The following BTRC variants were observed in gnomAD, a reference collection of about 807,000 sequenced individuals.
BTRC encodes beta-transducin repeat containing E3 ubiquitin protein ligase.
Under a neutral mutation model 85.5 loss-of-function variants are expected in BTRC, and 42 were observed. That is an observed-to-expected ratio of 0.49 (90% CI 0.38 to 0.64). The LOEUF is 0.64. BTRC is among the 30% of genes least tolerant of loss of function. BTRC has a pLI of 0.00. For missense variants in BTRC, 594 were observed against 743.5 expected, an observed-to-expected ratio of 0.80 and a Z score of 2.34; for synonymous variants, 255 against 263.3, an observed-to-expected ratio of 0.97 and a Z score of 0.30.
chr10:101,525,290 C>G (rs983294277), intron 5 of BTRC, among the ~76,000 whole-genome samples: 4 of 152,202 alleles, frequency 2.6e-5, no homozygotes, highest in African/African-American at 9.6e-5. Context: ...AAAATATTCT[C>G]TGAAATGCTA....
At chr10:101,514,605 A>G (rs2061998621) in intron 4 of BTRC, among the ~76,000 whole-genome samples, 1 of 152,126 alleles carries the variant, frequency 6.6e-6, no homozygotes, top group East Asian at 1.9e-4. Context: ...GGCGTGTGCC[A>G]TGATGTCCAG....
In BTRC at chr10:101,541,623, T is replaced by G. The variant is rs190148172; in HGVS notation, c.1656+3252T>G. 2.6e-5 allele frequency among the ~76,000 whole-genome samples: 4 copies of G among 152,312 alleles called. No homozygotes were observed. In the East Asian group the frequency reaches 7.7e-4, roughly 29 times the overall value. On this transcript the variant is annotated intron_variant, in intron 13 of 14. Transcript: ENST00000370187. Reference sequence around the variant, plus strand: ...CAGTTCCCTTCTGTTCCTAGATTGCTGAGAGTTTTAATGAGGAACACATGT... The same window carrying G: ...CAGTTCCCTTCTGTTCCTAGATTGCGGAGAGTTTTAATGAGGAACACATGT...
intron 1 of BTRC, among the ~76,000 whole-genome samples, chr10:101,424,637 G>C (rs1261413435): frequency 6.6e-6 from 1 of 152,076 alleles, no homozygotes; most frequent in South Asian, 2.1e-4. Flanking sequence ...TTGCCTGCAG[G>C]GCTATCAGTG....
At chr10:101,387,119 A>G (rs571633398) in intron 1 of BTRC, among the ~76,000 whole-genome samples, 3 of 152,066 alleles carry the variant, frequency 2.0e-5, no homozygotes, top group African/African-American at 4.8e-5. Context: ...ATTCTGTTCT[A>G]TTGTTCATTT....
chr10:101,459,325 A>G (rs886832906), intron 2 of BTRC, among the ~76,000 whole-genome samples: 1 of 152,170 alleles, frequency 6.6e-6, no homozygotes, highest in East Asian at 1.9e-4. Context: ...TTAGGTATAC[A>G]TGGCTATTTC....
chr10:101,362,295 G>A (rs1942232580), intron 1 of BTRC, among the ~76,000 whole-genome samples: 3 of 151,786 alleles, frequency 2.0e-5, no homozygotes, highest in Admixed American at 2.0e-4. Flanking sequence ...GCTCCTTTCT[G>A]TAGTTTGGCT....
rs551758864 is a variant in BTRC, at chr10:101,525,842, T to C, written c.557-171T>C. 3.3e-5 allele frequency among the ~76,000 whole-genome samples: 5 copies of C among 152,286 alleles called. No individual in the cohort carries two copies. In the South Asian group the frequency reaches 1.0e-3, roughly 32 times the overall value. The stretch of plus-strand genomic sequence containing the variant: ...TTTCTGTAACCTTATGGAAAAATTA[T>C]TGACACTCATTTTACCCAAGCCTCT... On this transcript the variant is annotated intron_variant, in intron 5 of 14. Transcript: ENST00000370187.
At chr10:101,428,126 TA>T (rs985524060) in intron 1 of BTRC, among the ~76,000 whole-genome samples, 1 of 152,166 alleles carries the variant, frequency 6.6e-6, no homozygotes, top group African/African-American at 2.4e-5. Flanking sequence ...GATATTGATG[TA>T]AATGGTCGAT....
intron 1 of BTRC, among the ~76,000 whole-genome samples, chr10:101,386,024 A>G (rs149849731): frequency 6.6e-6 from 1 of 152,278 alleles, no homozygotes; most frequent in African/African-American, 2.4e-5. Context: ...AAAATGGTAC[A>G]GAGATGACTT....
chr10:101,532,652 G>A (rs1249270359), intron 8 of BTRC, among the ~76,000 whole-genome samples: 1 of 151,940 alleles, frequency 6.6e-6, no homozygotes, highest in African/African-American at 2.4e-5. Flanking sequence ...TTCTTGAAAT[G>A]CACTGAATGG....
intron 1 of BTRC, among the ~76,000 whole-genome samples, chr10:101,427,676 G>A (rs564589445): frequency 6.6e-6 from 1 of 151,870 alleles, no homozygotes; most frequent in South Asian, 2.1e-4. Context: ...CCACAGGCAT[G>A]TGCCACCATG....
intron 1 of BTRC, among the ~76,000 whole-genome samples, chr10:101,413,337 A>G (rs1254403648): frequency 6.7e-6 from 1 of 148,498 alleles, no homozygotes; most frequent in East Asian, 2.0e-4. Flanking sequence ...TTTTTTTGAC[A>G]GAGTCTCGCT....
At chr10:101,466,153 C>G (rs1195944987) in intron 3 of BTRC, among the ~76,000 whole-genome samples, 3 of 152,198 alleles carry the variant, frequency 2.0e-5, no homozygotes, top group African/African-American at 4.8e-5. Flanking sequence ...CTGCCTTTCT[C>G]TGTAATTGAG....
chr10:101,398,894 C>G (rs1194217468), intron 1 of BTRC, among the ~76,000 whole-genome samples: 7 of 152,166 alleles, frequency 4.6e-5, no homozygotes, highest in Non-Finnish European at 8.8e-5. Context: ...TATACATTGC[C>G]TGGTTTTGCC....
chr10:101,356,313 A>C lies in BTRC; in HGVS notation c.48+2085A>C, dbSNP rs566332968. ...AGCGCCCAGCAGAGGGTTGACTCTTAATCCTAATCCTGACATTTGTGTCAG... is the reference window on the plus strand; with the variant it reads ...AGCGCCCAGCAGAGGGTTGACTCTTCATCCTAATCCTGACATTTGTGTCAG... On this transcript the variant is annotated intron_variant, in intron 1 of 14. Transcript: ENST00000370187. Among the ~76,000 whole-genome samples the C allele has an allele frequency of 9.2e-5, 14 of 152,328 alleles. No homozygotes were observed. In the East Asian group the frequency reaches 2.7e-3, roughly 29 times the overall value.
intron 2 of BTRC, among the ~76,000 whole-genome samples, chr10:101,460,604 C>G (rs985639771): frequency 6.6e-6 from 1 of 152,178 alleles, no homozygotes; most frequent in African/African-American, 2.4e-5. Context: ...GCCTGTCAGG[C>G]TTACTAAAGG....
chr10:101,380,880 A>G (rs1942911056), intron 1 of BTRC, among the ~76,000 whole-genome samples: 1 of 152,206 alleles, frequency 6.6e-6, no homozygotes, highest in Non-Finnish European at 1.5e-5. Context: ...TAGATAGTAT[A>G]CCTTACTATA....
intron 7 of BTRC, among the ~76,000 whole-genome samples, chr10:101,531,563 A>G (rs181181208): frequency 6.6e-6 from 1 of 152,230 alleles, no homozygotes; most frequent in Non-Finnish European, 1.5e-5. Context: ...TCTACTAAAA[A>G]TACAAAAATT....
chr10:101,498,319 A>G (rs1946315613), intron 4 of BTRC, among the ~76,000 whole-genome samples: 1 of 151,712 alleles, frequency 6.6e-6, no homozygotes, highest in Non-Finnish European at 1.5e-5. Context: ...ACGCACAGCT[A>G]ATTTTTGTAT....
Sources: gnomAD v4.1 joint callset for allele counts (sites outside exome capture counted in the v4.1 genomes callset) on GRCh38, gnomAD v4.1.1 for gene constraint, MANE v1.5 for transcripts, NCBI Gene and HGNC (gene_info 2026-07-23, HGNC 2026-07-21) for gene names.